The following WWC1 variants were observed in gnomAD, a reference collection of about 807,000 sequenced individuals.
The protein encoded by WWC1 is protein KIBRA.
WWC1 carries 55 observed loss-of-function variants against 138.4 expected under a neutral mutation model. The observed-to-expected ratio is 0.40, with a 90% CI of 0.32 to 0.50. WWC1 has a LOEUF of 0.50. Ranked by LOEUF, WWC1 falls within the 20% of genes least tolerant of loss-of-function variation. The pLI is 0.72. For missense variants in WWC1, 1,226 were observed against 1,420.4 expected, an observed-to-expected ratio of 0.86 and a Z score of 2.20; for synonymous variants, 524 against 564.9, an observed-to-expected ratio of 0.93 and a Z score of 1.03.
At chr5:168,356,374 C>T (rs779048530) in intron 1 of WWC1, among the ~76,000 whole-genome samples, 97 of 152,222 alleles carry the variant, frequency 6.4e-4, no homozygotes, top group South Asian at 8.3e-4. Flanking sequence ...GAACCTGGGT[C>T]CCTGGGGTTC....
intron 1 of WWC1, among the ~76,000 whole-genome samples, chr5:168,329,463 T>G (rs1772846191): frequency 6.6e-6 from 1 of 151,532 alleles, no homozygotes; most frequent in Non-Finnish European, 1.5e-5. Context: ...TTAACCAGTG[T>G]AAATGTTTAC....
Position 168,469,299 on chromosome 5 carries a change from A to G in WWC1, c.*282A>G. On this transcript the variant is annotated 3_prime_UTR_variant, in exon 23 of 23. Transcript: ENST00000265293. Reference sequence around the variant, plus strand: ...ATTTAGGAGTGTATTTTTGGGAAAGAAAATTTAAATGAACTAAAGCAGTAT... The same window carrying G: ...ATTTAGGAGTGTATTTTTGGGAAAGGAAATTTAAATGAACTAAAGCAGTAT... The G allele has an allele frequency of 2.4e-6, 1 of 423,986 alleles. No individual in the cohort carries two copies. The highest frequency in any genetic ancestry group is 4.3e-6 in the Non-Finnish European group (1 of 234,880). 26.3% of individuals were successfully genotyped at this position (423,986 alleles called of 1,614,324 possible). A position where few individuals can be genotyped will look rare whatever the true frequency, so the allele number is the denominator to read the frequency against.
rs539077562 is a variant in WWC1 at position 168,294,991 on chromosome 5, A to T, written c.119+2720A>T. Among the ~76,000 whole-genome samples, 102 of 152,150 alleles carry T rather than the reference A, an allele frequency of 6.7e-4. No homozygotes were observed. The South Asian group carries it at 0.01, about 15-fold the overall frequency. On this transcript the variant is annotated intron_variant, in intron 1 of 22. Coordinates refer to ENST00000265293, the MANE Select transcript of WWC1 (RefSeq NM_015238.3). ...GTCATCCCACCTGGACTGGGGTGGT[A>T]TTGGGCCCCTGAACTTGGGGTCCTG...
At chr5:168,353,676 C>T (rs11959963) in intron 1 of WWC1, among the ~76,000 whole-genome samples, 2,741 of 152,336 alleles carry the variant, frequency 0.018, 86 homozygotes, top group African/African-American at 0.062. Context: ...GCCAATCAAG[C>T]GCTTCTTGAA....
At chr5:168,372,042 A>T (rs62384066) in intron 2 of WWC1, among the ~76,000 whole-genome samples, 10 of 116,762 alleles carry the variant, frequency 8.6e-5, no homozygotes, top group Admixed American at 8.5e-5. Context: ...AGAGAGAGAG[A>T]AAGAGTGTGT....
intron 1 of WWC1, among the ~76,000 whole-genome samples, chr5:168,294,615 GT>G (rs1335815281): frequency 6.6e-6 from 1 of 151,836 alleles, no homozygotes; most frequent in African/African-American, 2.4e-5. Context: ...TTTGCTTTTG[GT>G]TTTTTTGTTT....
chr5:168,404,172 C>CA (rs1191475631), intron 5 of WWC1, among the ~76,000 whole-genome samples: 1 of 152,102 alleles, frequency 6.6e-6, no homozygotes, highest in Non-Finnish European at 1.5e-5. Context: ...TGGCAGAGGA[C>CA]AGCTGGGCAC....
At chr5:168,368,430 T>C (rs1459647197) in intron 1 of WWC1, among the ~76,000 whole-genome samples, 2 of 152,258 alleles carry the variant, frequency 1.3e-5, no homozygotes, top group Non-Finnish European at 2.9e-5. Context: ...TGATGATCTA[T>C]ACGCAGAAAC....
At chr5:168,319,692 G>A (rs1771900051) in intron 1 of WWC1, among the ~76,000 whole-genome samples, 1 of 152,134 alleles carries the variant, frequency 6.6e-6, no homozygotes, top group Admixed American at 6.5e-5. Context: ...GTAGAGACAA[G>A]GTTTTGCCAC....
intron 2 of WWC1, among the ~76,000 whole-genome samples, chr5:168,373,764 G>A (rs1409928805): frequency 1.4e-5 from 2 of 142,600 alleles, no homozygotes; most frequent in African/African-American, 5.1e-5. Flanking sequence ...AGGTGGGGGT[G>A]TGCTGGGCGC....
At chr5:168,402,067 T>C (rs1479049707) in intron 5 of WWC1, among the ~76,000 whole-genome samples, 2 of 152,224 alleles carry the variant, frequency 1.3e-5, no homozygotes, top group Non-Finnish European at 2.9e-5. Context: ...TGCAAACCTG[T>C]TTTACCACTT....
In WWC1 at chr5:168,430,234, A is replaced by G. The variant is rs1219249799; in HGVS notation, c.2087+11A>G. On this transcript the variant is annotated intron_variant, in intron 14 of 22. Coordinates refer to ENST00000265293, the MANE Select transcript of WWC1 (RefSeq NM_015238.3). The stretch of plus-strand genomic sequence containing the variant: ...ACAAGACCAGAAAGTGTGAGTATGT[A>G]GCTGGACAGGTGTATTTCATACCCT... 1.9e-6 allele frequency: 3 copies of G among 1,610,624 alleles called. No individual in the cohort carries two copies. Among genetic ancestry groups the G allele is most frequent in the African/African-American group, 2.7e-5 (2 of 74,918 alleles).
At chr5:168,419,371 A>C (rs750295213) in intron 9 of WWC1, among the ~76,000 whole-genome samples, 1 of 152,092 alleles carries the variant, frequency 6.6e-6, no homozygotes, top group Non-Finnish European at 1.5e-5. Flanking sequence ...CTTCATCTGG[A>C]GAAAAAGTCA....
chr5:168,364,712 G>A (rs1197524552), intron 1 of WWC1, among the ~76,000 whole-genome samples: 1 of 152,128 alleles, frequency 6.6e-6, no homozygotes, highest in Non-Finnish European at 1.5e-5. Context: ...GTGTCTCTGG[G>A]TCACCCTCCA....
At chr5:168,383,330 A>G (rs909211984) in intron 2 of WWC1, among the ~76,000 whole-genome samples, 12 of 152,278 alleles carry the variant, frequency 7.9e-5, no homozygotes, top group African/African-American at 2.9e-4. Flanking sequence ...GGCAGTAGTG[A>G]TGCAGGGTTC....
intron 15 of WWC1, among the ~76,000 whole-genome samples, chr5:168,434,120 G>T (rs1487810160): frequency 6.6e-6 from 1 of 152,228 alleles, no homozygotes; most frequent in Non-Finnish European, 1.5e-5. Context: ...TTGGCCCTGG[G>T]CATTCCTAAG....
chr5:168,292,274 A>G lies in WWC1; in HGVS notation c.119+3A>G. ...AGCTGGATCGACCCGCGGGACAGGT[A>G]GGACCCTGGAACCCTCCTCCGTGCC... On this transcript the variant is annotated splice_donor_region_variant and intron_variant, in intron 1 of 22. Transcript: ENST00000265293. This position sits in a 1 kb window ranked among gnomAD's most constrained non-coding sequence, Gnocchi z 4.4. 1.9e-6 allele frequency: 3 copies of G among 1,593,872 alleles called. No individual in the cohort carries two copies. Among genetic ancestry groups the G allele is most frequent in the East Asian group, 2.3e-5 (1 of 43,652 alleles).
intron 1 of WWC1, among the ~76,000 whole-genome samples, chr5:168,338,596 G>C (rs775483074): frequency 2.0e-5 from 3 of 151,874 alleles, no homozygotes; most frequent in Non-Finnish European, 2.9e-5. Context: ...TTTTTTAGTA[G>C]AGACGGGGGT....
intron 1 of WWC1, among the ~76,000 whole-genome samples, chr5:168,360,508 C>T (rs1248739661): frequency 6.6e-6 from 1 of 152,176 alleles, no homozygotes; most frequent in Non-Finnish European, 1.5e-5. Flanking sequence ...CTTCACTGGC[C>T]TTAAGTGGAA....
Sources: allele counts gnomAD v4.1 joint callset (sites outside exome capture counted in the v4.1 genomes callset), GRCh38; gene constraint gnomAD v4.1.1; non-coding constraint Gnocchi (gnomAD v3.1); transcripts MANE v1.5; gene names NCBI Gene and HGNC (gene_info 2026-07-23, HGNC 2026-07-21).